SLC52A2: variants seen among roughly 807,000 people sequenced by gnomAD.
SLC52A2 encodes the protein solute carrier family 52 member 2.
In SLC52A2, 16 loss-of-function variants were observed where a neutral mutation model predicts 24.8. The observed-to-expected ratio is 0.64, with a 90% CI of 0.44 to 0.98. The LOEUF (loss-of-function observed/expected upper bound fraction) is 0.98. Ranked by LOEUF, SLC52A2 falls within the 50% of genes least tolerant of loss-of-function variation. SLC52A2 has a pLI of 0.00. For missense variants in SLC52A2, 612 were observed against 575.9 expected (o/e 1.06, Z -0.64); for synonymous variants, 335 against 276.3 (o/e 1.21, Z -2.11).
At position 144,361,054 on chromosome 8, in the gene SLC52A2, T is replaced by C. The variant is rs951618113; in HGVS notation, c.*39T>C. 1 of 1,590,382 alleles carries C rather than the reference T, an allele frequency of 6.3e-7. No homozygotes were observed. Among genetic ancestry groups the C allele is most frequent in the Non-Finnish European group, 8.6e-7 (1 of 1,162,506 alleles). On this transcript the variant is annotated 3_prime_UTR_variant, in exon 5 of 5. Transcript: ENST00000643944. ...GGGACCCCGCTCCCCAACACCTGTC[T>C]TTCCCTCAATGCTGCCACCATGCCT...
At position 144,361,233 on chromosome 8, in the gene SLC52A2, G is replaced by A. The variant is rs1554854730; in HGVS notation, c.*218G>A. On this transcript the variant is annotated 3_prime_UTR_variant, in exon 5 of 5. Coordinates refer to ENST00000643944, the MANE Select transcript of SLC52A2 (RefSeq NM_001363118.2). ...CTGTAGGGTAAGCCCCTGAGCCTGG[G>A]ACCTACATGTGGTTTGCGTAATAAA... is the stretch of plus-strand genomic sequence containing the variant. 4 of 570,258 alleles carry A rather than the reference G, an allele frequency of 7.0e-6. No individual in the cohort carries two copies. The highest frequency in any genetic ancestry group is 4.6e-5 in the South Asian group (2 of 43,360). The allele number at this position is 570,258 out of a possible 1,614,324, so 35.3% of individuals were successfully genotyped here.
At chr8:144,358,582 T>A (rs1818590849), upstream of SLC52A2, 2 of 1,136,052 alleles carry the variant, frequency 1.8e-6, no homozygotes, top group Non-Finnish European at 2.2e-6. Context: ...TCGTGGGCCA[T>A]GCCGGGGGCG....
Position 144,359,307 on chromosome 8 carries a change from C to A in SLC52A2, c.14C>A (p.Thr5Lys). MAAP[T>K]PARPVLTHLL... is the part of the protein sequence containing the mutation. Reference sequence around the variant, plus strand: ...GCCTTGGGCTGAATGGCAGCACCCACGCCCGCCCGTCCGGTGCTGACCCAC... The same window carrying A: ...GCCTTGGGCTGAATGGCAGCACCCAAGCCCGCCCGTCCGGTGCTGACCCAC... The change falls in exon 2 of 5, where the codon ACG becomes AAG. Residue 5 changes from threonine (T) to lysine (K), a missense_variant. Thr to Lys is a moderately conservative substitution (Grantham distance 78, BLOSUM62 -1). Transcript: ENST00000643944. 2 of 1,612,744 alleles carry A rather than the reference C, an allele frequency of 1.2e-6. No homozygotes were observed. The highest frequency in any genetic ancestry group is 1.7e-6 in the Non-Finnish European group (2 of 1,179,374).
rs921171916 is a variant in SLC52A2, at chr8:144,359,025, G to T, written c.-151G>T. 4.1e-5 allele frequency: 17 copies of T among 413,590 alleles called. No homozygotes were observed. The highest frequency in any genetic ancestry group is 2.6e-5 in the Non-Finnish European group (6 of 234,042). The allele number at this position is 413,590 out of a possible 1,614,324, so 25.6% of individuals were successfully genotyped here. On this transcript the variant is annotated 5_prime_UTR_variant, in exon 1 of 5. Transcript: ENST00000643944. ...CCTCCCCTGGGGCCGCAGCGACTCG[G>T]GCCGGCTTCCTGCTTCCCTGCCTGC...
intron 2 of SLC52A2, 85 bp from the exon 3 acceptor site, chr8:144,359,538 G>A: frequency 6.2e-7 from 1 of 1,608,320 alleles, no homozygotes; most frequent in Non-Finnish European, 8.5e-7. Flanking sequence ...GGGAGGAGGT[G>A]CAGGTGTGCC....
At position 144,359,361 on chromosome 8, in the gene SLC52A2, C is replaced by T; in HGVS notation, c.68C>T (p.Ser23Phe). The T allele has an allele frequency of 6.2e-7, 1 of 1,614,072 alleles. No homozygotes were observed. Among genetic ancestry groups the T allele is most frequent in the Non-Finnish European group, 8.5e-7 (1 of 1,179,994 alleles). ...HLLVALFGMG[S>F]WAAVNGIWVE... The stretch of plus-strand genomic sequence containing the variant: ...CTGGTGGCTCTCTTCGGCATGGGCT[C>T]CTGGGCTGCGGTCAATGGGATCTGG... The change falls in exon 2 of 5, where the codon TCC (serine) becomes TTC (phenylalanine). Residue 23 changes from serine (S) to phenylalanine (F), a missense_variant. By Grantham distance (155) the Ser-to-Phe change is radical. Coordinates refer to ENST00000643944, the MANE Select transcript of SLC52A2 (RefSeq NM_001363118.2).
chr8:144,360,754 C>A (rs782208913), intron 4 of SLC52A2, 41 bp downstream of exon 4: 3 of 1,605,638 alleles, frequency 1.9e-6, no homozygotes, highest in Admixed American at 3.3e-5. Context: ...GGGGGCGTTG[C>A]CCTGGAGCAG....
Position 144,361,099 on chromosome 8 carries a change from G to C in SLC52A2, c.*84G>C. 3 of 1,377,524 alleles carry C rather than the reference G, an allele frequency of 2.2e-6. No homozygotes were observed. The highest frequency in any genetic ancestry group is 3.0e-6 in the Non-Finnish European group (3 of 983,844). 85.3% of individuals were successfully genotyped at this position (1,377,524 alleles called of 1,614,324 possible). A position where few individuals can be genotyped will look rare whatever the true frequency, so the allele number is the denominator to read the frequency against. ...ATGCCTGAGTGCCTGCAGCCCAGGA[G>C]GCCCGCACACCGGTACACTCGTGGA... is the stretch of plus-strand genomic sequence containing the variant. On this transcript the variant is annotated 3_prime_UTR_variant, in exon 5 of 5. Transcript: ENST00000643944.
Position 144,359,205 on chromosome 8 carries a change from C to T in SLC52A2, c.-89C>T, listed in dbSNP as rs1554853694. The T allele has an allele frequency of 3.9e-6, 6 of 1,519,820 alleles. No homozygotes were observed. The East Asian group carries it at 9.0e-5, about 23-fold the overall frequency. 94.1% of individuals were successfully genotyped at this position (1,519,820 alleles called of 1,614,324 possible). A position where few individuals can be genotyped will look rare whatever the true frequency, so the allele number is the denominator to read the frequency against. On this transcript the variant is annotated 5_prime_UTR_variant, in exon 2 of 5. Transcript: ENST00000643944. Reference sequence around the variant, plus strand: ...CAAGCTAGAAGAAGTCTTCACTTCCCAGGAGAGCCAAAGCGTGTCTGGCCC... The same window carrying T: ...CAAGCTAGAAGAAGTCTTCACTTCCTAGGAGAGCCAAAGCGTGTCTGGCCC...
Position 144,359,753 on chromosome 8 carries a change from G to C in SLC52A2, c.261G>C (p.Leu87=). The change falls in exon 3 of 5, where the codon CTG becomes CTC. Residue 87 remains leucine (L), a synonymous_variant. Transcript: ENST00000643944. Reference sequence around the variant, plus strand: ...TCCCCATCCGGGTGGTGCAGGTGCTGGGCATGGTGGGCACAGCCCTGCTGG... The same window carrying C: ...TCCCCATCCGGGTGGTGCAGGTGCTCGGCATGGTGGGCACAGCCCTGCTGG... ...EQVPIRVVQV[L]GMVGTALLAS... The C allele has an allele frequency of 6.2e-7, 1 of 1,613,658 alleles. No individual in the cohort carries two copies. Among genetic ancestry groups the C allele is most frequent in the East Asian group, 2.2e-5 (1 of 44,892 alleles).
chr8:144,359,397 C>G lies in SLC52A2; in HGVS notation c.104C>G (p.Pro35Arg). Residue 35 changes from proline to arginine, a missense_variant, in exon 2 of 5, where the codon CCT (proline) becomes CGT (arginine). Physicochemically the swap from Pro to Arg is moderately radical, Grantham distance 103. Transcript: ENST00000643944. ...AAVNGIWVELPVVVKELPEGW... is the reference protein window; with the variant it reads ...AAVNGIWVELRVVVKELPEGW... ...GTCAATGGGATCTGGGTGGAGCTACCTGTGGTGGTCAAAGAGCTTCCAGAG... is the reference window on the plus strand; with the variant it reads ...GTCAATGGGATCTGGGTGGAGCTACGTGTGGTGGTCAAAGAGCTTCCAGAG... 1 of 1,614,024 alleles carries G rather than the reference C, an allele frequency of 6.2e-7. No individual in the cohort carries two copies. The highest frequency in any genetic ancestry group is 8.5e-7 in the Non-Finnish European group (1 of 1,179,970).
rs782526393 is a variant in SLC52A2 at position 144,360,200 on chromosome 8, A to G, written c.708A>G (p.Gly236=). 1.2e-6 allele frequency: 2 copies of G among 1,611,612 alleles called. No homozygotes were observed. The highest frequency in any genetic ancestry group is 2.7e-5 in the African/African-American group (2 of 74,604). ...TGELGSGLQV[G]APGAEEEVEE... Reference sequence around the variant, plus strand: ...AGTTAGGATCAGGCCTCCAGGTGGGAGCCCCAGGAGCAGAGGAAGAGGTGG... The same window carrying G: ...AGTTAGGATCAGGCCTCCAGGTGGGGGCCCCAGGAGCAGAGGAAGAGGTGG... The change falls in exon 3 of 5, where the codon GGA becomes GGG. Residue 236 remains glycine, a synonymous_variant. Coordinates refer to ENST00000643944, the MANE Select transcript of SLC52A2 (RefSeq NM_001363118.2).
rs375399467 is a variant in SLC52A2, at chr8:144,360,380, C to T, written c.888C>T (p.Ala296=). The T allele has an allele frequency of 1.5e-4, 234 of 1,608,132 alleles. 1 individual carries two copies. Among genetic ancestry groups the T allele is most frequent in the Non-Finnish European group, 1.7e-4 (199 of 1,180,010 alleles). The change falls in exon 3 of 5, where the codon GCC becomes GCT. Residue 296 remains alanine, a synonymous_variant. Transcript: ENST00000643944. ...TNALTNGVLP[A]VQSFSCLPYG... Reference sequence around the variant, plus strand: ...CGCTGACCAATGGCGTGCTGCCTGCCGTGCAGAGCTTTTCCTGCTTACCCT... The same window carrying T: ...CGCTGACCAATGGCGTGCTGCCTGCTGTGCAGAGCTTTTCCTGCTTACCCT...
In SLC52A2 at chr8:144,360,383, G is replaced by A; in HGVS notation, c.891G>A (p.Val297=). The A allele has an allele frequency of 6.2e-7, 1 of 1,608,228 alleles. No individual in the cohort carries two copies. Among genetic ancestry groups the A allele is most frequent in the Non-Finnish European group, 8.5e-7 (1 of 1,179,998 alleles). Residue 297 remains valine, a synonymous_variant, in exon 3 of 5, where the codon GTG becomes GTA. Transcript: ENST00000643944. ...TGACCAATGGCGTGCTGCCTGCCGT[G>A]CAGAGCTTTTCCTGCTTACCCTACG... The part of the protein sequence containing the change: ...NALTNGVLPA[V]QSFSCLPYGR...
chr8:144,360,318 A>G lies in SLC52A2; in HGVS notation c.826A>G (p.Ser276Gly). 4 of 1,610,248 alleles carry G rather than the reference A, an allele frequency of 2.5e-6. No homozygotes were observed. Among genetic ancestry groups the G allele is most frequent in the South Asian group, 1.1e-5 (1 of 91,082 alleles). The change falls in exon 3 of 5, where the codon AGT (serine) becomes GGT (glycine). Residue 276 changes from serine to glycine, a missense_variant. Coordinates refer to ENST00000643944, the MANE Select transcript of SLC52A2 (RefSeq NM_001363118.2). ...PKAYQLLSARSACLLGLLAAT... is the reference protein window; with the variant it reads ...PKAYQLLSARGACLLGLLAAT... ...GGCCTATCAGCTTCTATCAGCCCGCAGTGCCTGCCTGCTGGGCCTGTTGGC... is the reference window on the plus strand; with the variant it reads ...GGCCTATCAGCTTCTATCAGCCCGCGGTGCCTGCCTGCTGGGCCTGTTGGC...
rs144290224 is a variant in SLC52A2, at chr8:144,360,710, C to T, written c.1122C>T (p.Leu374=). ...PLVGTSAGVV[L]VVLSWVLCLG... is the part of the protein sequence containing the mutation. The stretch of plus-strand genomic sequence containing the variant: ...TGGGCACCTCGGCGGGGGTGGTCCT[C>T]GTGGTGAGCACAGGGGGACATGAAG... Residue 374 remains leucine, a synonymous_variant, in exon 4 of 5, where the codon CTC becomes CTT. Transcript: ENST00000643944. 6.4e-4 allele frequency: 995 copies of T among 1,565,694 alleles called. 2 individuals carry two copies. Among genetic ancestry groups the T allele is most frequent in the Non-Finnish European group, 7.6e-4 (876 of 1,150,674 alleles).
In SLC52A2 at chr8:144,360,599, A is replaced by T. The variant is rs782173320; in HGVS notation, c.1011A>T (p.Ala337=). 2 of 1,600,878 alleles carry T rather than the reference A, an allele frequency of 1.2e-6. No homozygotes were observed. Among genetic ancestry groups the T allele is most frequent in the Non-Finnish European group, 1.7e-6 (2 of 1,178,470 alleles). Residue 337 remains alanine, a synonymous_variant, in exon 4 of 5, where the codon GCA becomes GCT. Coordinates refer to ENST00000643944, the MANE Select transcript of SLC52A2 (RefSeq NM_001363118.2). ...LAMGVLCRSL[A]GLGGLSLLGV... ...TGCTCGCTCACTGCAGGTCCTTGGC[A>T]GGGCTGGGCGGCCTCTCTCTGCTGG...
Position 144,361,140 on chromosome 8 carries a change from T to C in SLC52A2, c.*125T>C. The C allele has an allele frequency of 3.0e-6, 3 of 990,682 alleles. No individual in the cohort carries two copies. The highest frequency in any genetic ancestry group is 3.1e-5 in the South Asian group (2 of 64,114). 61.4% of individuals were successfully genotyped at this position (990,682 alleles called of 1,614,324 possible). On this transcript the variant is annotated 3_prime_UTR_variant, in exon 5 of 5. Coordinates refer to ENST00000643944, the MANE Select transcript of SLC52A2 (RefSeq NM_001363118.2). ...CACTCGTGGACACCTACACACTCCA[T>C]AGGAGATCCTGGCTTTCCAGGGTGG...
Position 144,359,960 on chromosome 8 carries a change from G to C in SLC52A2, c.468G>C (p.Leu156=). The change falls in exon 3 of 5, where the codon CTG becomes CTC. Residue 156 remains leucine, a synonymous_variant. Transcript: ENST00000643944. ...SFFLGQGLSA[L]LPCVLALVQG... is the part of the protein sequence containing the mutation. ...TCCTGGGTCAAGGCCTGAGTGCCCT[G>C]CTGCCCTGCGTGCTGGCCCTAGTGC... 6.2e-7 allele frequency: 1 copy of C among 1,613,264 alleles called. No homozygotes were observed. The highest frequency in any genetic ancestry group is 8.5e-7 in the Non-Finnish European group (1 of 1,180,018).
Sources: gnomAD v4.1 joint callset for allele counts on GRCh38, gnomAD v4.1.1 for gene constraint, MANE v1.5 for transcripts, NCBI Gene and HGNC (gene_info 2026-07-23, HGNC 2026-07-21) for gene names.